CYP20A1: variants seen among roughly 807,000 people sequenced by gnomAD.
The protein encoded by CYP20A1 is cytochrome P450 20A1.
CYP20A1 carries 61 observed loss-of-function variants against 61.4 expected under a neutral mutation model. That is an observed-to-expected ratio of 0.99 (90% CI 0.81 to 1.23). CYP20A1 has a LOEUF of 1.23. Among genes scored for constraint, CYP20A1 ranks in the 50% most tolerant of loss-of-function variants. CYP20A1 has a pLI of 0.00. For synonymous variants in CYP20A1, 193 were observed against 188.2 expected (o/e 1.03, Z -0.21); for missense variants, 530 against 542.4 (o/e 0.98, Z 0.23).
chr2:203,283,844 G>A (rs939732579), intron 8 of CYP20A1, among the ~76,000 whole-genome samples: 5 of 152,052 alleles, frequency 3.3e-5, no homozygotes, highest in Non-Finnish European at 5.9e-5. Context: ...ACTGCATCCG[G>A]CCTGTTATAT....
chr2:203,258,215 C>T (rs1001088876), intron 4 of CYP20A1, among the ~76,000 whole-genome samples: 2 of 152,106 alleles, frequency 1.3e-5, no homozygotes, highest in African/African-American at 4.8e-5. Flanking sequence ...TTTACAGTAT[C>T]CACTTTTAAA....
At chr2:203,248,922 G>A (rs1191724059) in intron 3 of CYP20A1, among the ~76,000 whole-genome samples, 1 of 152,078 alleles carries the variant, frequency 6.6e-6, no homozygotes, top group Non-Finnish European at 1.5e-5. Context: ...CGTTGCCCAG[G>A]CTGGCCTCCA....
At chr2:203,248,609 C>G (rs1034959641) in intron 3 of CYP20A1, among the ~76,000 whole-genome samples, 1 of 151,944 alleles carries the variant, frequency 6.6e-6, no homozygotes, top group Admixed American at 6.6e-5. Context: ...GAAGACAAAC[C>G]AAATATGTAT....
rs764252188 is a variant in CYP20A1, at chr2:203,304,983, G to T, written c.*8075G>T. Among the ~76,000 whole-genome samples the T allele has an allele frequency of 2.0e-5, 3 of 152,024 alleles. No individual in the cohort carries two copies. Among genetic ancestry groups the T allele is most frequent in the African/African-American group, 4.8e-5 (2 of 41,386 alleles). On this transcript the variant is annotated 3_prime_UTR_variant, in exon 13 of 13. Coordinates refer to ENST00000356079, the MANE Select transcript of CYP20A1 (RefSeq NM_177538.3). ...CATATACCTTTATTACTTCATTTTT[G>T]TAAGAGCTTCAGGGAATAGGCTTTT...
At chr2:203,267,385 C>T (rs547001458) in intron 5 of CYP20A1, among the ~76,000 whole-genome samples, 2 of 145,380 alleles carry the variant, frequency 1.4e-5, no homozygotes, top group African/African-American at 2.6e-5. Context: ...ATAAGAAAAA[C>T]TAGCCAGGCA....
At position 203,299,417 on chromosome 2, in the gene CYP20A1, A is replaced by T. The variant is rs903188341; in HGVS notation, c.*2509A>T. 2.0e-5 allele frequency among the ~76,000 whole-genome samples: 3 copies of T among 151,690 alleles called. No individual in the cohort carries two copies. The highest frequency in any genetic ancestry group is 7.3e-5 in the African/African-American group (3 of 41,274). ...AGCCAAACCTGAGTGATAAAGTGAGACCCTATCTCTTAAAAAAAAAAATCC... is the reference window on the plus strand; with the variant it reads ...AGCCAAACCTGAGTGATAAAGTGAGTCCCTATCTCTTAAAAAAAAAAATCC... On this transcript the variant is annotated 3_prime_UTR_variant, in exon 13 of 13. Coordinates refer to ENST00000356079, the MANE Select transcript of CYP20A1 (RefSeq NM_177538.3).
chr2:203,245,489 C>T (rs2066432252), intron 1 of CYP20A1, among the ~76,000 whole-genome samples: 2 of 151,536 alleles, frequency 1.3e-5, no homozygotes, highest in South Asian at 4.2e-4. Context: ...AGTTGTTTTT[C>T]CTGATCCTCT....
rs761519002 is a variant in CYP20A1, at chr2:203,296,590, T to A, written c.1238+27T>A. 2.6e-6 allele frequency: 4 copies of A among 1,550,548 alleles called. No individual in the cohort carries two copies. The South Asian group carries it at 4.7e-5, about 18-fold the overall frequency. On this transcript the variant is annotated intron_variant, in intron 12 of 12. Coordinates refer to ENST00000356079, the MANE Select transcript of CYP20A1 (RefSeq NM_177538.3). ...TGAATAATAGAATGCCAGACTCTGT[T>A]CTTAGAATTTTGATGATCACTGTTG...
intron 6 of CYP20A1, among the ~76,000 whole-genome samples, chr2:203,276,044 G>A (rs1427799009): frequency 6.6e-6 from 1 of 152,200 alleles, no homozygotes; most frequent in Non-Finnish European, 1.5e-5. Flanking sequence ...AAGATGAGGT[G>A]ACTTTTGAGT....
intron 5 of CYP20A1, among the ~76,000 whole-genome samples, chr2:203,270,631 A>G (rs916197001): frequency 2.0e-5 from 3 of 151,932 alleles, no homozygotes; most frequent in African/African-American, 7.2e-5. Flanking sequence ...TATGTAGCTA[A>G]ATCAATTTAA....
chr2:203,290,453 G>A (rs777721226), intron 10 of CYP20A1, among the ~76,000 whole-genome samples: 3 of 152,086 alleles, frequency 2.0e-5, no homozygotes, highest in Admixed American at 1.3e-4. Context: ...GTGTATATAT[G>A]TATAGAAACA....
At chr2:203,249,547 C>G (rs1436646750) in intron 3 of CYP20A1, among the ~76,000 whole-genome samples, 1 of 151,892 alleles carries the variant, frequency 6.6e-6, no homozygotes, top group Non-Finnish European at 1.5e-5. Context: ...TCCTTAAAAA[C>G]TAATAAGAAA....
intron 4 of CYP20A1, among the ~76,000 whole-genome samples, 173 bp downstream of exon 4, chr2:203,252,282 A>G (rs1268255703): frequency 1.3e-5 from 2 of 152,198 alleles, no homozygotes; most frequent in East Asian, 1.9e-4. Flanking sequence ...ACAAAAGAAA[A>G]GAAAACAAAA....
Position 203,296,679 on chromosome 2 carries a change from T to A in CYP20A1, c.1239-79T>A, listed in dbSNP as rs980429568. On this transcript the variant is annotated intron_variant, in intron 12 of 12. Transcript: ENST00000356079. ...TTTATTATTATTGTACTTTAAGTTCTGGGGTTCATGTGCAGAACGTGCAGG... is the reference window on the plus strand; with the variant it reads ...TTTATTATTATTGTACTTTAAGTTCAGGGGTTCATGTGCAGAACGTGCAGG... 4 of 1,479,098 alleles carry A rather than the reference T, an allele frequency of 2.7e-6. No homozygotes were observed. The African/African-American group carries it at 5.7e-5, about 21-fold the overall frequency. 91.6% of individuals were successfully genotyped at this position (1,479,098 alleles called of 1,614,324 possible).
rs1188197363 is a variant in CYP20A1, at chr2:203,251,816, TAA to T, written c.290-146_290-145del. Reference sequence around the variant, plus strand: ...GTGTATATATATATATATATATATATAAAAAATAAAAAATAAAAACAAGGGAA... The same window carrying T: ...GTGTATATATATATATATATATATATAAAATAAAAAATAAAAACAAGGGAA... On this transcript the variant is annotated intron_variant, in intron 3 of 12. Transcript: ENST00000356079. The T allele has an allele frequency of 2.4e-3, 224 of 91,856 alleles. 8 individuals carry two copies. The highest frequency in any genetic ancestry group is 2.7e-3 in the African/African-American group (78 of 28,756). The allele number at this position is 91,856 out of a possible 1,614,324, so 5.7% of individuals were successfully genotyped here.
rs34132653 is a variant in CYP20A1, at chr2:203,251,818, A to ATATATATATAT, written c.290-149_290-148insTATATATATAT. The ATATATATATAT allele has an allele frequency of 3.2e-3, 249 of 77,598 alleles. 10 individuals carry two copies. The highest frequency in any genetic ancestry group is 5.1e-3 in the Admixed American group (31 of 6,048). The allele number at this position is 77,598 out of a possible 1,614,324, so 4.8% of individuals were successfully genotyped here. ...GTATATATATATATATATATATATA[A>ATATATATATAT]AAAATAAAAAATAAAAACAAGGGAA... On this transcript the variant is annotated intron_variant, in intron 3 of 12. Coordinates refer to ENST00000356079, the MANE Select transcript of CYP20A1 (RefSeq NM_177538.3).
At chr2:203,278,967 G>T (rs563162491) in intron 7 of CYP20A1, among the ~76,000 whole-genome samples, 66 of 152,008 alleles carry the variant, frequency 4.3e-4, no homozygotes, top group African/African-American at 1.3e-3. Context: ...TGGGTTTTTT[G>T]TTGTTGTTGT....
intron 5 of CYP20A1, among the ~76,000 whole-genome samples, chr2:203,272,154 T>C (rs1435116281): frequency 6.6e-6 from 1 of 152,216 alleles, no homozygotes. Context: ...TTGACTGAAG[T>C]CATCAAAATA....
intron 8 of CYP20A1, among the ~76,000 whole-genome samples, chr2:203,280,617 C>A (rs1391189639): frequency 6.6e-6 from 1 of 152,242 alleles, no homozygotes; most frequent in Admixed American, 6.5e-5. Flanking sequence ...AGGATCATCA[C>A]TTGAGCCCAA....
Sources: gnomAD v4.1 joint callset for allele counts (sites outside exome capture counted in the v4.1 genomes callset) on GRCh38, gnomAD v4.1.1 for gene constraint, MANE v1.5 for transcripts, NCBI Gene and HGNC (gene_info 2026-07-23, HGNC 2026-07-21) for gene names.